The following PHACTR1 variants were observed in gnomAD, a reference collection of about 807,000 sequenced individuals.
The protein encoded by PHACTR1 is RPEL repeat containing 1.
PHACTR1 carries 16 observed loss-of-function variants against 69.2 expected under a neutral mutation model. The ratio of observed to expected loss-of-function variants is 0.23; its 90% CI spans 0.16 to 0.35. The LOEUF is 0.35. Ranked by LOEUF, PHACTR1 falls within the 10% of genes least tolerant of loss-of-function variation. PHACTR1 has a pLI of 1.00. For missense variants in PHACTR1, 510 were observed against 734.7 expected (o/e 0.69, Z 3.54); for synonymous variants, 312 against 284.5 (o/e 1.10, Z -0.97).
At chr6:12,772,882 G>A (rs1178714157) in intron 4 of PHACTR1, among the ~76,000 whole-genome samples, 6 of 152,258 alleles carry the variant, frequency 3.9e-5, no homozygotes, top group Non-Finnish European at 5.9e-5. Context: ...TCGTTGAATC[G>A]CAGACAAGTG....
At chr6:13,009,885 CCA>C (rs1799245800) in intron 4 of PHACTR1, among the ~76,000 whole-genome samples, 1 of 151,542 alleles carries the variant, frequency 6.6e-6, no homozygotes, top group Non-Finnish European at 1.5e-5. Flanking sequence ...ACCACCACCA[CCA>C]CCACCCTCTG....
intron 6 of PHACTR1, among the ~76,000 whole-genome samples, chr6:13,174,122 A>G (rs1249316222): frequency 1.3e-5 from 2 of 152,196 alleles, no homozygotes; most frequent in Non-Finnish European, 2.9e-5. Context: ...TGTTAGGACC[A>G]CTAACACCAG....
At chr6:12,784,528 A>G (rs1771274877) in intron 4 of PHACTR1, among the ~76,000 whole-genome samples, 1 of 151,822 alleles carries the variant, frequency 6.6e-6, no homozygotes, top group African/African-American at 2.4e-5. Flanking sequence ...ACACATATAC[A>G]TGATATGTAC....
chr6:13,077,373 T>C (rs1480294231), intron 5 of PHACTR1, among the ~76,000 whole-genome samples: 1 of 152,128 alleles, frequency 6.6e-6, no homozygotes, highest in Non-Finnish European at 1.5e-5. Context: ...CTCCAGGGCC[T>C]GCACACCTAA....
intron 4 of PHACTR1, among the ~76,000 whole-genome samples, chr6:12,980,124 G>T (rs879226571): frequency 6.6e-6 from 1 of 152,200 alleles, no homozygotes; most frequent in Admixed American, 6.5e-5. Flanking sequence ...CATAGCAAAA[G>T]GAGGGTGGCA....
intron 4 of PHACTR1, among the ~76,000 whole-genome samples, chr6:12,765,675 T>G (rs1768521139): frequency 6.6e-6 from 1 of 152,202 alleles, no homozygotes; most frequent in South Asian, 2.1e-4. Flanking sequence ...CATTTCTGTT[T>G]CCACTCCTTC....
chr6:13,262,315 GGAA>G (rs751266984), intron 10 of PHACTR1, among the ~76,000 whole-genome samples: 1 of 152,182 alleles, frequency 6.6e-6, no homozygotes. Flanking sequence ...GATGTATGGG[GGAA>G]GAAGATGAGT....
In PHACTR1 at chr6:13,182,600, C is replaced by T. The variant is rs370949552; in HGVS notation, c.578C>T (p.Ala193Val). Residue 193 changes from alanine (A) to valine (V), a missense_variant, in exon 7 of 15, where the codon GCC (alanine) becomes GTC (valine). Around this residue, in one of 2 missense-constraint regions of PHACTR1, gnomAD observed 419 missense variants for 530.9 expected, o/e 0.79. Transcript: ENST00000332995. Reference sequence around the variant, plus strand: ...AGCTCCAGCCAGCTGTCTCTGCCTGCCCTGTCCGAAATGGAGCCAGTCCCA... The same window carrying T: ...AGCTCCAGCCAGCTGTCTCTGCCTGTCCTGTCCGAAATGGAGCCAGTCCCA... The part of the protein sequence containing the change: ...SLSSSQLSLP[A>V]LSEMEPVPMP... The T allele has an allele frequency of 5.0e-6, 8 of 1,612,904 alleles. No homozygotes were observed. The highest frequency in any genetic ancestry group is 1.7e-6 in the Non-Finnish European group (2 of 1,179,510).
chr6:12,959,938 T>G lies in PHACTR1; in HGVS notation c.251-93427T>G, dbSNP rs182845763. 3.7e-3 allele frequency among the ~76,000 whole-genome samples: 561 copies of G among 152,336 alleles called. 5 individuals are homozygous for G. The highest frequency in any genetic ancestry group is 0.012 in the African/African-American group (519 of 41,578). On this transcript the variant is annotated intron_variant, in intron 4 of 14. Coordinates refer to ENST00000332995, the MANE Select transcript of PHACTR1 (RefSeq NM_030948.6). ...AACAGTCTGAGAAATGCAGTTTGGA[T>G]GCCAGGTTTTGTTCATTTCTGGGAT...
rs188986774 is a variant in PHACTR1 at position 13,172,349 on chromosome 6, A to G, written c.497-10170A>G. 2.0e-5 allele frequency among the ~76,000 whole-genome samples: 3 copies of G among 152,330 alleles called. No homozygotes were observed. The East Asian group carries it at 5.8e-4, about 29-fold the overall frequency. On this transcript the variant is annotated intron_variant, in intron 6 of 14. Transcript: ENST00000332995. ...ATAGTGGTCAGAGCCCTGATAGTTC[A>G]TGAGGATACATCATCTGAGAAACCA...
chr6:13,006,776 C>T (rs1798853796), intron 4 of PHACTR1, among the ~76,000 whole-genome samples: 1 of 152,206 alleles, frequency 6.6e-6, no homozygotes, highest in South Asian at 2.1e-4. Flanking sequence ...AAGTTCATGT[C>T]TCATAGTACA....
chr6:12,844,421 AT>A (rs1778998142), intron 4 of PHACTR1, among the ~76,000 whole-genome samples: 1 of 152,022 alleles, frequency 6.6e-6, no homozygotes, highest in Non-Finnish European at 1.5e-5. Flanking sequence ...ACACAAATAA[AT>A]AAATAAAATA....
rs115151228 is a variant in PHACTR1 at position 12,721,639 on chromosome 6, C to T, written c.103+2792C>T. On this transcript the variant is annotated intron_variant, in intron 3 of 14. Coordinates refer to ENST00000332995, the MANE Select transcript of PHACTR1 (RefSeq NM_030948.6). The stretch of plus-strand genomic sequence containing the variant: ...GATGAGAGTCCCTCTCCCTCCAACA[C>T]CTTCCCTAGATCCCCAGCACACAGG... Among the ~76,000 whole-genome samples the T allele has an allele frequency of 7.3e-3, 1,112 of 152,278 alleles. 17 individuals are homozygous for T. Among genetic ancestry groups the T allele is most frequent in the African/African-American group, 0.026 (1,062 of 41,548 alleles).
chr6:13,240,912 T>C (rs175729), intron 10 of PHACTR1, among the ~76,000 whole-genome samples: 23,108 of 152,184 alleles, frequency 0.15, 2,713 homozygotes, highest in African/African-American at 0.3. Flanking sequence ...CCCTGCAAGG[T>C]GGCCGCTACT....
Position 13,286,229 on chromosome 6 carries a change from A to G in PHACTR1, c.1727+7A>G. 6.4e-7 allele frequency: 1 copy of G among 1,566,762 alleles called. No individual in the cohort carries two copies. Among genetic ancestry groups the G allele is most frequent in the Non-Finnish European group, 8.6e-7 (1 of 1,161,786 alleles). ...TGAGTAGACACTTAACAAGGTTAGT[A>G]TTAAGGGTTTTTTTTTTCCTTTTTT... On this transcript the variant is annotated splice_region_variant and intron_variant, in intron 14 of 14. Transcript: ENST00000332995.
Position 13,183,095 on chromosome 6 carries a change from T to C in PHACTR1, c.664+409T>C, listed in dbSNP as rs183333575. On this transcript the variant is annotated intron_variant, in intron 7 of 14. Transcript: ENST00000332995. ...GTCTTAGTCCCAGTATGCCAGTTAA[T>C]ACTTGTATCAATTTACTGGATATAG... Among the ~76,000 whole-genome samples, 3 of 152,358 alleles carry C rather than the reference T, an allele frequency of 2.0e-5. No individual in the cohort carries two copies. The East Asian group carries it at 5.8e-4, about 29-fold the overall frequency.
intron 4 of PHACTR1, among the ~76,000 whole-genome samples, chr6:12,972,800 C>T (rs567889494): frequency 3.9e-5 from 6 of 152,202 alleles, no homozygotes; most frequent in South Asian, 2.1e-4. Flanking sequence ...TACAGGCACA[C>T]GCCACCACAC....
intron 5 of PHACTR1, among the ~76,000 whole-genome samples, chr6:13,090,880 A>G (rs1813146001): frequency 6.6e-6 from 1 of 152,196 alleles, no homozygotes; most frequent in East Asian, 1.9e-4. Flanking sequence ...AGGATGATTT[A>G]AGCACATTAC....
chr6:12,785,727 T>C (rs1426567066), intron 4 of PHACTR1, among the ~76,000 whole-genome samples: 2 of 152,228 alleles, frequency 1.3e-5, no homozygotes, highest in Non-Finnish European at 2.9e-5. Flanking sequence ...ACACATTTTG[T>C]TAGAACAAAC....
Sources: gnomAD v4.1 joint callset for allele counts (sites outside exome capture counted in the v4.1 genomes callset) on GRCh38, gnomAD v4.1.1 for gene constraint, gnomAD v4.1.1 regional missense constraint, MANE v1.5 for transcripts, NCBI Gene and HGNC (gene_info 2026-07-23, HGNC 2026-07-21) for gene names.